TMEM35B: variants seen among roughly 807,000 people sequenced by gnomAD.
TMEM35B encodes the protein ZMYM6 neighbor protein.
A neutral mutation model predicts 8.7 loss-of-function variants in TMEM35B; 6 were observed. The ratio of observed to expected loss-of-function variants is 0.69; its 90% CI spans 0.38 to 1.36. The LOEUF (loss-of-function observed/expected upper bound fraction) is 1.36, where lower values mean the gene tolerates loss of function less well. TMEM35B is among the 40% of genes most tolerant of loss of function. The pLI, the probability that TMEM35B is intolerant of heterozygous loss-of-function variation, is 0.02. For synonymous variants in TMEM35B, 89 were observed against 87.0 expected (o/e 1.02, Z -0.13); for missense variants, 176 against 181.6 (o/e 0.97, Z 0.18).
At chr1:34,984,095 G>A (rs1305707011) in intron 1 of TMEM35B, 148 bp from the exon 2 acceptor site, 1 of 712,418 alleles carries the variant, frequency 1.4e-6, no homozygotes, top group African/African-American at 1.8e-5. Context: ...AGGTCAGCCT[G>A]AAGAGGAGAG....
intron 2 of TMEM35B, among the ~76,000 whole-genome samples, chr1:34,983,127 T>C (rs966689840): frequency 1.3e-5 from 2 of 152,182 alleles, no homozygotes; most frequent in Non-Finnish European, 2.9e-5. Context: ...CAGCTGCTCC[T>C]CCATCCCCTC....
chr1:34,983,774 G>A (rs1569725307), exon 2 of TMEM35B: 1 of 1,525,934 alleles, frequency 6.6e-7, no homozygotes, highest in Non-Finnish European at 8.8e-7. Flanking sequence ...TACCCATCAT[G>A]AGCAGAATCA....
intron 2 of TMEM35B, among the ~76,000 whole-genome samples, chr1:34,982,558 G>A (rs1640519022): frequency 6.6e-6 from 1 of 151,270 alleles, no homozygotes; most frequent in Non-Finnish European, 1.5e-5. Context: ...GGGCTACTGG[G>A]TTCTGGGTAC....
At chr1:34,983,321 G>T (rs1468054970) in intron 2 of TMEM35B, among the ~76,000 whole-genome samples, 1 of 152,160 alleles carries the variant, frequency 6.6e-6, no homozygotes, top group African/African-American at 2.4e-5. Context: ...GCTCAAGCCT[G>T]TAATCCTAGC....
chr1:34,985,247 C>T, exon 1 of TMEM35B: 1 of 1,546,486 alleles, frequency 6.5e-7, no homozygotes, highest in Non-Finnish European at 8.7e-7. Flanking sequence ...CTTGGCCAAC[C>T]CCACGAGCGC....
At chr1:34,983,491 A>G (rs1640528380) in intron 2 of TMEM35B, among the ~76,000 whole-genome samples, 1 of 146,798 alleles carries the variant, frequency 6.8e-6, no homozygotes, top group Admixed American at 6.9e-5. Context: ...AGGCAGGAGA[A>G]TGGTGTGAAC....
chr1:34,984,984 A>C (rs1180376046), intron 1 of TMEM35B, among the ~76,000 whole-genome samples: 1 of 151,774 alleles, frequency 6.6e-6, no homozygotes, highest in Non-Finnish European at 1.5e-5. Context: ...CAGGAAGGGG[A>C]GGTTCTGTCC....
chr1:34,982,457 CT>C (rs540924637), intron 2 of TMEM35B, among the ~76,000 whole-genome samples: 9,415 of 129,642 alleles, frequency 0.073, 485 homozygotes, highest in East Asian at 0.34. Context: ...TTCTCCTTTC[CT>C]TTTTTTTTTT....
intron 2 of TMEM35B, among the ~76,000 whole-genome samples, 160 bp downstream of exon 2, chr1:34,983,607 A>AAAAAAAAAACC (rs1640531175): frequency 7.1e-6 from 1 of 141,316 alleles, no homozygotes; most frequent in African/African-American, 2.9e-5. Context: ...AAAAAAAAAT[A>AAAAAAAAAACC]CCTGTGCTAG....
At chr1:34,985,035 C>G (rs912777809) in intron 1 of TMEM35B, among the ~76,000 whole-genome samples, 163 bp downstream of exon 1, 6 of 152,146 alleles carry the variant, frequency 3.9e-5, no homozygotes, top group Admixed American at 2.6e-4. Context: ...GAGGAACTCC[C>G]CAGGCAGGAC....
In TMEM35B at chr1:34,982,061, A is replaced by G. The variant is rs776691758; in HGVS notation, c.348T>C (p.Ile116=). 26 of 1,549,566 alleles carry G rather than the reference A, an allele frequency of 1.7e-5. 1 individual carries two copies. Among genetic ancestry groups the G allele is most frequent in the Non-Finnish European group, 2.2e-5 (25 of 1,146,984 alleles). The change falls in exon 3 of 3, where the codon ATT becomes ATC. Residue 116 remains isoleucine (I), a synonymous_variant. Transcript: ENST00000373337. ...GCAGCAGCAGGAACCCCAGGCAGACAATGGCTGGGATACAGGTGCTTAGTG... is the reference window on the plus strand; with the variant it reads ...GCAGCAGCAGGAACCCCAGGCAGACGATGGCTGGGATACAGGTGCTTAGTG...
chr1:34,984,503 T>A (rs1640542951), intron 1 of TMEM35B, among the ~76,000 whole-genome samples: 1 of 152,244 alleles, frequency 6.6e-6, no homozygotes, highest in South Asian at 2.1e-4. Context: ...CTAAGCTGTC[T>A]GTCTCTGGGG....
intron 1 of TMEM35B, 139 bp downstream of exon 1, chr1:34,985,059 G>C (rs1392532988): frequency 3.3e-6 from 2 of 601,208 alleles, no homozygotes; most frequent in East Asian, 7.2e-5. Context: ...CGCCTCAGTC[G>C]AAAGCCAGGC....
At position 34,983,727 on chromosome 1, in the gene TMEM35B, C is replaced by T. The variant is rs78787188; in HGVS notation, c.289+40G>A. On this transcript the variant is annotated intron_variant, in intron 2 of 2. Transcript: ENST00000373337. ...AGCCAGGTCTTTCCATAATCCTCCC[C>T]CAGAAGACCCCATTTTCTCAGGCCA... is the stretch of plus-strand genomic sequence containing the variant. The T allele has an allele frequency of 3.4e-5, 49 of 1,430,820 alleles. No homozygotes were observed. In the East Asian group the frequency reaches 1.3e-3, roughly 37 times the overall value. The allele number at this position is 1,430,820 out of a possible 1,614,324, so 88.6% of individuals were successfully genotyped here. A position where few individuals can be genotyped will look rare whatever the true frequency, so the allele number is the denominator to read the frequency against.
rs995799050 is a variant in TMEM35B, at chr1:34,983,965, T to C, written c.109-18A>G. 6.1e-6 allele frequency: 9 copies of C among 1,466,752 alleles called. No individual in the cohort carries two copies. In the African/African-American group the frequency reaches 1.3e-4, roughly 21 times the overall value. 90.9% of individuals were successfully genotyped at this position (1,466,752 alleles called of 1,614,324 possible). ...AGGGCATTCTAGGGGTGGCAAGGAA[T>C]GCCTGTTAGCCTCATTGTTCAACAA... On this transcript the variant is annotated intron_variant, in intron 1 of 2. Transcript: ENST00000373337.
At chr1:34,981,411 TA>T (rs1569722986), downstream of TMEM35B, 1 of 152,144 alleles carries the variant, frequency 6.6e-6, no homozygotes, top group East Asian at 1.9e-4. Context: ...CTGTGAGGCT[TA>T]CGAGAGCAAA....
intron 1 of TMEM35B, 52 bp downstream of exon 1, chr1:34,985,146 G>A: frequency 2.1e-6 from 3 of 1,424,316 alleles, no homozygotes; most frequent in Non-Finnish European, 1.9e-6. Flanking sequence ...CGGCAGGGCG[G>A]AGCACACGCC....
At chr1:34,982,503 G>C (rs1293825996) in intron 2 of TMEM35B, among the ~76,000 whole-genome samples, 3 of 148,706 alleles carry the variant, frequency 2.0e-5, no homozygotes, top group Non-Finnish European at 4.4e-5. Flanking sequence ...TGTCACCCAG[G>C]CTGGAGTGCA....
intron 1 of TMEM35B, among the ~76,000 whole-genome samples, 163 bp downstream of exon 1, chr1:34,985,035 C>A (rs912777809): frequency 6.6e-6 from 1 of 152,146 alleles, no homozygotes. Flanking sequence ...GAGGAACTCC[C>A]CAGGCAGGAC....
Sources: gnomAD v4.1 joint callset for allele counts (sites outside exome capture counted in the v4.1 genomes callset) on GRCh38, gnomAD v4.1.1 for gene constraint, MANE v1.5 for transcripts, NCBI Gene and HGNC (gene_info 2026-07-23, HGNC 2026-07-21) for gene names.